NT5DC4: variants seen among roughly 807,000 people sequenced by gnomAD.
NT5DC4 encodes 5'-nucleotidase domain containing 4, also known as 5'-nucleotidase domain-containing protein 4.
Under a neutral mutation model 26.6 loss-of-function variants are expected in NT5DC4, and 44 were observed. The observed-to-expected ratio is 1.65, with a 90% CI of 1.30 to 2.13. The LOEUF (loss-of-function observed/expected upper bound fraction) is 2.13, where lower values mean the gene tolerates loss of function less well. Ranked by LOEUF, NT5DC4 falls within the 30% of genes most tolerant of loss-of-function variation. The probability of loss-of-function intolerance (pLI) is 0.00; values close to 1 mark genes in which losing one functional copy is unlikely to be tolerated. For missense variants in NT5DC4, 399 were observed against 228.1 expected (o/e 1.75, Z -4.83); for synonymous variants, 157 against 86.7 (o/e 1.81, Z -4.51).
intron 13 of NT5DC4, among the ~76,000 whole-genome samples, chr2:112,725,955 A>G (rs567464037): frequency 1.3e-5 from 2 of 150,954 alleles, no homozygotes; most frequent in African/African-American, 4.9e-5. Context: ...AGCCCACACA[A>G]TTTGGGCTTT....
rs1677084968 is a variant in NT5DC4 at position 112,722,791 on chromosome 2, C to T, written c.527+20C>T. 1.4e-6 allele frequency: 1 copy of T among 717,408 alleles called. No individual in the cohort carries two copies. The highest frequency in any genetic ancestry group is 1.7e-5 in the African/African-American group (1 of 57,256). The allele number at this position is 717,408 out of a possible 1,614,324, so 44.4% of individuals were successfully genotyped here. On this transcript the variant is annotated intron_variant, in intron 6 of 16. Coordinates refer to ENST00000688554, the MANE Select transcript of NT5DC4 (RefSeq NM_001393655.1). ...CACTAAGTGCGTCTTGTGCCCTGCC[C>T]AGCCCTGGGACGACCAGTAGGACAC...
intron 16 of NT5DC4, chr2:112,731,627 TC>T (rs929359033): frequency 6.6e-6 from 1 of 152,158 alleles, no homozygotes; most frequent in African/African-American, 2.4e-5. Context: ...AACTTGACTC[TC>T]GAATGTGTTA....
At chr2:112,733,867 CT>C (rs1269417462) in intron 16 of NT5DC4, among the ~76,000 whole-genome samples, 1 of 152,146 alleles carries the variant, frequency 6.6e-6, no homozygotes, top group African/African-American at 2.4e-5. Context: ...AATGACAGTA[CT>C]TTGGCTGTCA....
downstream of NT5DC4, chr2:112,740,808 G>A (rs1329145457): frequency 6.3e-7 from 1 of 1,595,958 alleles, no homozygotes; most frequent in Non-Finnish European, 8.6e-7. Context: ...CTGCTTTAGA[G>A]TTTGCTTACC....
upstream of NT5DC4, among the ~76,000 whole-genome samples, chr2:112,719,932 T>TTC (rs1362751040): frequency 0.016 from 771 of 48,680 alleles, 6 homozygotes; most frequent in Middle Eastern, 0.051. Flanking sequence ...TTCTCTTTCT[T>TTC]TCTTTCTTTC....
chr2:112,723,328 A>G, intron 7 of NT5DC4, 90 bp from the exon 8 acceptor site: 1 of 685,968 alleles, frequency 1.5e-6, no homozygotes. Flanking sequence ...CACTTTTCTC[A>G]TCTTGGACAC....
At chr2:112,742,200 C>T (rs531259991), downstream of NT5DC4, among the ~76,000 whole-genome samples, 4 of 152,218 alleles carry the variant, frequency 2.6e-5, no homozygotes, top group Admixed American at 6.5e-5. Context: ...TAACAAGTAT[C>T]GTAAGCAATT....
chr2:112,723,166 C>G lies in NT5DC4; in HGVS notation c.613C>G (p.His205Asp), dbSNP rs769768482. 1 of 717,372 alleles carries G rather than the reference C, an allele frequency of 1.4e-6. No homozygotes were observed. Among genetic ancestry groups the G allele is most frequent in the South Asian group, 1.5e-5 (1 of 67,592 alleles). 44.4% of individuals were successfully genotyped at this position (717,372 alleles called of 1,614,324 possible). The change falls in exon 7 of 17, where the codon CAC becomes GAC. Residue 205 changes from histidine to aspartate, a missense_variant. By Grantham distance (81) the His-to-Asp change is moderately conservative. Coordinates refer to ENST00000688554, the MANE Select transcript of NT5DC4 (RefSeq NM_001393655.1). ...QDVTDAMNNI[H>D]QSGCLKKTLE... is the part of the protein sequence containing the mutation. ...TGTGACTGATGCCATGAATAACATC[C>G]ACCAGTCGGTGAGTGAGTGGTCCAG...
In NT5DC4 at chr2:112,739,059, G is replaced by A; in HGVS notation, c.*123G>A. The A allele has an allele frequency of 6.3e-7, 1 of 1,577,876 alleles. No individual in the cohort carries two copies. The highest frequency in any genetic ancestry group is 8.7e-7 in the Non-Finnish European group (1 of 1,149,100). ...GGCATCCCATTTATTCTGAGAGACA[G>A]CAAGAGATGCATTAAAAACCTTATC... is the stretch of plus-strand genomic sequence containing the variant. On this transcript the variant is annotated 3_prime_UTR_variant, in exon 17 of 17. Transcript: ENST00000688554.
intron 16 of NT5DC4, among the ~76,000 whole-genome samples, chr2:112,730,509 C>T (rs1008749385): frequency 1.3e-5 from 2 of 152,102 alleles, no homozygotes; most frequent in Admixed American, 1.3e-4. Flanking sequence ...GCTTTGTTAA[C>T]ATTAATGACT....
upstream of NT5DC4, among the ~76,000 whole-genome samples, chr2:112,719,906 T>C (rs181810313): frequency 0.038 from 4,108 of 108,874 alleles, 142 homozygotes; most frequent in Non-Finnish European, 0.051. Context: ...TTCTTTCTTT[T>C]TCTTTCTTTC....
chr2:112,722,875 G>T (rs1574233834), intron 6 of NT5DC4, 104 bp downstream of exon 6: 1 of 117,872 alleles, frequency 8.5e-6, no homozygotes, highest in South Asian at 5.2e-5. Context: ...AGGCTGGAAG[G>T]GCTCCAGGAA....
chr2:112,721,344 C>T lies in NT5DC4; in HGVS notation c.74+191C>T, dbSNP rs577562727. On this transcript the variant is annotated intron_variant, in intron 1 of 16. Coordinates refer to ENST00000688554, the MANE Select transcript of NT5DC4 (RefSeq NM_001393655.1). Reference sequence around the variant, plus strand: ...ATCAGGGAACTGACCACACACACTCCGGCGGGAGGTCCTCTTCACTTCCTT... The same window carrying T: ...ATCAGGGAACTGACCACACACACTCTGGCGGGAGGTCCTCTTCACTTCCTT... 233 of 653,114 alleles carry T rather than the reference C, an allele frequency of 3.6e-4. 3 individuals carry two copies. The East Asian group carries it at 6.1e-3, about 17-fold the overall frequency. The allele number at this position is 653,114 out of a possible 1,614,324, so 40.5% of individuals were successfully genotyped here.
At chr2:112,735,296 G>T (rs58559275) in intron 16 of NT5DC4, among the ~76,000 whole-genome samples, 4,975 of 151,938 alleles carry the variant, frequency 0.033, 269 homozygotes, top group African/African-American at 0.11. Context: ...CACCCGCCTC[G>T]ACTTCCCAAA....
intron 9 of NT5DC4, 124 bp from the exon 10 acceptor site, chr2:112,723,970 A>G (rs2063919): frequency 0.96 from 674,641 of 702,964 alleles, 325,141 homozygotes; most frequent in Non-Finnish European, 0.99. Flanking sequence ...AGGCCTCAGA[A>G]GAATGAGCAA....
intron 16 of NT5DC4, among the ~76,000 whole-genome samples, chr2:112,733,455 G>A (rs1029502975): frequency 1.3e-5 from 2 of 152,154 alleles, no homozygotes; most frequent in African/African-American, 2.4e-5. Context: ...GGGGACATGG[G>A]ACCAAGTTCT....
chr2:112,727,726 C>A (rs1346928129), intron 15 of NT5DC4, among the ~76,000 whole-genome samples: 2 of 152,286 alleles, frequency 1.3e-5, no homozygotes, highest in African/African-American at 4.8e-5. Context: ...CCAGGGTTGC[C>A]CAGAAAGGGA....
At chr2:112,720,186 AT>A (rs1054105852), upstream of NT5DC4, among the ~76,000 whole-genome samples, 22 of 143,242 alleles carry the variant, frequency 1.5e-4, no homozygotes, top group Admixed American at 5.0e-4. Context: ...CAAGAGGCTA[AT>A]TTTTTTTTTC....
rs914027149 is a variant in NT5DC4, at chr2:112,722,275, C to G, written c.359C>G (p.Ser120Trp). The change falls in exon 4 of 17, where the codon TCG (serine) becomes TGG (tryptophan). Residue 120 changes from serine to tryptophan, a missense_variant. Ser to Trp is a radical substitution (Grantham distance 177). Coordinates refer to ENST00000688554, the MANE Select transcript of NT5DC4 (RefSeq NM_001393655.1). ...GGTGCCTATGGCTTCACCTTCCTCT[C>G]GGAGTAAGGGACAAAGGTGCCGGGA... ...LLGAYGFTFL[S>W]DLPLLRAEIW... 1.4e-6 allele frequency: 1 copy of G among 716,872 alleles called. No individual in the cohort carries two copies. The highest frequency in any genetic ancestry group is 2.7e-5 in the East Asian group (1 of 37,308). The allele number at this position is 716,872 out of a possible 1,614,324, so 44.4% of individuals were successfully genotyped here. A position where few individuals can be genotyped will look rare whatever the true frequency, so the allele number is the denominator to read the frequency against.
Sources: allele counts gnomAD v4.1 joint callset (sites outside exome capture counted in the v4.1 genomes callset), GRCh38; gene constraint gnomAD v4.1.1; transcripts MANE v1.5; gene names NCBI Gene and HGNC (gene_info 2026-07-23, HGNC 2026-07-21).